Variants in CCNG2 observed in about 807,000 individuals in gnomAD.
CCNG2 encodes cyclin G2, also known as cyclin-G2.
In CCNG2, 20 loss-of-function variants were observed where a neutral mutation model predicts 36.5. The ratio of observed to expected loss-of-function variants is 0.55; its 90% CI spans 0.39 to 0.80. The LOEUF (loss-of-function observed/expected upper bound fraction) is 0.80, where lower values mean the gene tolerates loss of function less well. CCNG2 is among the 30% of genes least tolerant of loss of function. The probability of loss-of-function intolerance (pLI) is 0.00; values close to 1 mark genes in which losing one functional copy is unlikely to be tolerated. For synonymous variants in CCNG2, 155 were observed against 140.1 expected (o/e 1.11, Z -0.75); for missense variants, 358 against 390.8 (o/e 0.92, Z 0.71).
intron 2 of CCNG2, among the ~76,000 whole-genome samples, 171 bp downstream of exon 2, chr4:77,158,841 GA>G (rs1731346551): frequency 6.6e-6 from 1 of 152,188 alleles, no homozygotes; most frequent in Non-Finnish European, 1.5e-5. Flanking sequence ...TTCTTAGCAA[GA>G]ATGAGAGTGA....
Position 77,164,491 on chromosome 4 carries a change from C to G in CCNG2, c.911+12C>G, listed in dbSNP as rs767864021. 6.2e-7 allele frequency: 1 copy of G among 1,604,468 alleles called. No individual in the cohort carries two copies. The highest frequency in any genetic ancestry group is 8.5e-7 in the Non-Finnish European group (1 of 1,171,778). On this transcript the variant is annotated intron_variant, in intron 7 of 7. Transcript: ENST00000316355. ...GATGAAAGTGAAAGGTAGGCAGGTT[C>G]CTTGACTAATTAAACTTCCCTAGAC...
chr4:77,161,776 A>T, intron 6 of CCNG2, 29 bp downstream of exon 6: 1 of 1,433,702 alleles, frequency 7.0e-7, no homozygotes, highest in Non-Finnish European at 9.6e-7. Flanking sequence ...CTTTAAGGCA[A>T]ATTTTTTTCC....
chr4:77,157,976 T>C (rs1731312357), intron 1 of CCNG2, among the ~76,000 whole-genome samples: 1 of 151,678 alleles, frequency 6.6e-6, no homozygotes. Flanking sequence ...CTCGGGTAAG[T>C]CCGGAATCGG....
intron 6 of CCNG2, among the ~76,000 whole-genome samples, chr4:77,161,997 A>G (rs575985406): frequency 2.2e-4 from 33 of 152,282 alleles, no homozygotes; most frequent in Non-Finnish European, 1.2e-4. Flanking sequence ...ATCATGCCAT[A>G]TGATAGTACA....
At chr4:77,163,692 AAAAC>A (rs963758806) in intron 6 of CCNG2, among the ~76,000 whole-genome samples, 30 of 152,312 alleles carry the variant, frequency 2.0e-4, no homozygotes, top group African/African-American at 5.8e-4. Flanking sequence ...CGTAAAAAGA[AAAAC>A]AAAAAAGAAA....
At chr4:77,163,831 A>G (rs541881241) in intron 6 of CCNG2, among the ~76,000 whole-genome samples, 2 of 152,314 alleles carry the variant, frequency 1.3e-5, no homozygotes, top group African/African-American at 4.8e-5. Flanking sequence ...AGCAATCCAA[A>G]CAATGCCTTG....
chr4:77,160,607 G>C, intron 3 of CCNG2, 114 bp from the exon 4 acceptor site: 1 of 1,062,898 alleles, frequency 9.4e-7, no homozygotes, highest in Non-Finnish European at 1.4e-6. Context: ...GTACATATAA[G>C]AGAAACAACT....
chr4:77,160,135 C>G (rs1021259027), intron 3 of CCNG2, among the ~76,000 whole-genome samples: 13 of 152,056 alleles, frequency 8.5e-5, no homozygotes, highest in African/African-American at 2.9e-4. Flanking sequence ...TATGGAATGA[C>G]TCTTAAAGAT....
In CCNG2 at chr4:77,165,789, T is replaced by C. The variant is rs528949702; in HGVS notation, c.912-12T>C. 6 of 1,536,326 alleles carry C rather than the reference T, an allele frequency of 3.9e-6. No individual in the cohort carries two copies. The South Asian group carries it at 7.5e-5, about 19-fold the overall frequency. ...AATGGTATCCTCTTTTTTTGTCTCT[T>C]TTTCTCTTTAGTGAGGACTCTTGTG... On this transcript the variant is annotated splice_polypyrimidine_tract_variant and intron_variant, in intron 7 of 7. Transcript: ENST00000316355.
chr4:77,160,591 G>T (rs28648488), intron 3 of CCNG2, 130 bp from the exon 4 acceptor site: 1 of 779,286 alleles, frequency 1.3e-6, no homozygotes, highest in Non-Finnish European at 2.0e-6. Context: ...TGTGGGTAAA[G>T]AGCCAGTACA....
At position 77,161,072 on chromosome 4, in the gene CCNG2, CT is replaced by C; in HGVS notation, c.527+104del. 4 of 607,966 alleles carry C rather than the reference CT, an allele frequency of 6.6e-6. No individual in the cohort carries two copies. The South Asian group carries it at 9.8e-5, about 15-fold the overall frequency. 37.7% of individuals were successfully genotyped at this position (607,966 alleles called of 1,614,324 possible). ...AATTTATATTTTTACCTTCTTCAAA[CT>C]TTCAACTTTGACTTTATTGGTAAAT... On this transcript the variant is annotated intron_variant, in intron 4 of 7. Transcript: ENST00000316355.
At position 77,166,048 on chromosome 4, in the gene CCNG2, A is replaced by G; in HGVS notation, c.*124A>G. On this transcript the variant is annotated 3_prime_UTR_variant, in exon 8 of 8. Coordinates refer to ENST00000316355, the MANE Select transcript of CCNG2 (RefSeq NM_004354.3). Reference sequence around the variant, plus strand: ...TAATATACTGGAATACCTACCTTCTATTTGTTATTCAGATCAGATCTGGCC... The same window carrying G: ...TAATATACTGGAATACCTACCTTCTGTTTGTTATTCAGATCAGATCTGGCC... 1.1e-6 allele frequency: 1 copy of G among 879,148 alleles called. No individual in the cohort carries two copies. The highest frequency in any genetic ancestry group is 1.9e-5 in the South Asian group (1 of 52,182). The allele number at this position is 879,148 out of a possible 1,614,324, so 54.5% of individuals were successfully genotyped here. A position where few individuals can be genotyped will look rare whatever the true frequency, so the allele number is the denominator to read the frequency against.
intron 1 of CCNG2, among the ~76,000 whole-genome samples, chr4:77,158,010 G>A (rs1031497474): frequency 6.6e-6 from 1 of 152,064 alleles, no homozygotes; most frequent in Non-Finnish European, 1.5e-5. Context: ...GACGGGAAAA[G>A]CTGGGGGCGG....
At chr4:77,161,096 A>AAT in intron 4 of CCNG2, 125 bp downstream of exon 4, 60 of 533,088 alleles carry the variant, frequency 1.1e-4, no homozygotes, top group Middle Eastern at 6.0e-4. Context: ...TTTATTGGTA[A>AAT]ATCTTTTTTT....
intron 1 of CCNG2, among the ~76,000 whole-genome samples, chr4:77,157,968 C>G (rs949292208): frequency 1.3e-5 from 2 of 152,004 alleles, no homozygotes; most frequent in African/African-American, 4.8e-5. Context: ...ATCCGCCTCT[C>G]GGGTAAGTCC....
rs1402799668 is a variant in CCNG2, at chr4:77,160,535, G to GGGT, written c.277-184_277-183insTGG. Among the ~76,000 whole-genome samples the GGGT allele has an allele frequency of 2.0e-5, 3 of 148,860 alleles. 1 individual carries two copies. The highest frequency in any genetic ancestry group is 2.0e-4 in the East Asian group (1 of 5,084). On this transcript the variant is annotated intron_variant, in intron 3 of 7. Coordinates refer to ENST00000316355, the MANE Select transcript of CCNG2 (RefSeq NM_004354.3). The stretch of plus-strand genomic sequence containing the variant: ...GTTCCCTGCTGCCTTTTTTTTTGGG[G>GGGT]GGGGGGGGAGGTCGAGAACGTCTAA...
Position 77,164,306 on chromosome 4 carries a change from G to C in CCNG2, c.738G>C (p.Glu246Asp). 6.2e-7 allele frequency: 1 copy of C among 1,613,962 alleles called. No homozygotes were observed. Residue 246 changes from glutamate (E) to aspartate (D), a missense_variant, in exon 7 of 8, where the codon GAG (glutamate) becomes GAC (aspartate). Coordinates refer to ENST00000316355, the MANE Select transcript of CCNG2 (RefSeq NM_004354.3). ...ACACTGAGTTCTTCTACTGGAGAGA[G>C]TTGGTTTCTAAATGCCTAGCCGAGT... is the stretch of plus-strand genomic sequence containing the variant. ...INDTEFFYWR[E>D]LVSKCLAEYS...
Position 77,168,046 on chromosome 4 carries a change from A to T in CCNG2, c.*2122A>T, listed in dbSNP as rs1560425753. 6.6e-6 allele frequency: 1 copy of T among 152,114 alleles called. No homozygotes were observed. The allele number at this position is 152,114 out of a possible 1,614,324, so 9.4% of individuals were successfully genotyped here. On this transcript the variant is annotated 3_prime_UTR_variant, in exon 8 of 8. Transcript: ENST00000316355. ...CTCTTCCCCCTGTGGTTTTCAGTGT[A>T]TTTAGTCGAGACCTCTCTGCTGAGC...
intron 6 of CCNG2, 35 bp from the exon 7 acceptor site, chr4:77,164,239 C>T (rs770537416): frequency 2.0e-6 from 3 of 1,508,542 alleles, no homozygotes; most frequent in Admixed American, 3.4e-5. Flanking sequence ...ATTTGGGAGA[C>T]ATTGCCGTAA....
Sources: gnomAD v4.1 joint callset for allele counts (sites outside exome capture counted in the v4.1 genomes callset) on GRCh38, gnomAD v4.1.1 for gene constraint, MANE v1.5 for transcripts, NCBI Gene and HGNC (gene_info 2026-07-23, HGNC 2026-07-21) for gene names.